The following AP2M1 variants were observed in gnomAD, a reference collection of about 807,000 sequenced individuals.
AP2M1 encodes adaptor related protein complex 2 subunit mu 1.
Under a neutral mutation model 54.5 loss-of-function variants are expected in AP2M1, and 5 were observed. The observed-to-expected ratio is 0.09, with a 90% CI of 0.05 to 0.19. The LOEUF is 0.19. Among genes scored for constraint, AP2M1 ranks in the 10% least tolerant of loss-of-function variants. AP2M1 has a pLI of 1.00. For synonymous variants in AP2M1, 186 were observed against 208.2 expected (o/e 0.89, Z 0.92); for missense variants, 178 against 580.2 (o/e 0.31, Z 7.12).
At chr3:184,176,575 G>A (rs1344368829) in intron 1 of AP2M1, among the ~76,000 whole-genome samples, 4 of 152,002 alleles carry the variant, frequency 2.6e-5, no homozygotes, top group Non-Finnish European at 5.9e-5. Context: ...TCCTGCAGCC[G>A]CAGGCAGGCA....
intron 2 of AP2M1, chr3:184,177,471 A>T: frequency 7.1e-7 from 1 of 1,417,618 alleles, no homozygotes; most frequent in Non-Finnish European, 9.6e-7. Flanking sequence ...CCCTTCCCAT[A>T]TCAAACGCCT....
At chr3:184,179,748 C>A (rs986857618) in intron 3 of AP2M1, among the ~76,000 whole-genome samples, 1 of 151,306 alleles carries the variant, frequency 6.6e-6, no homozygotes, top group African/African-American at 2.4e-5. Flanking sequence ...GAAGCCTCGA[C>A]CTCCTAGGCT....
chr3:184,177,774 A>G, intron 2 of AP2M1: 1 of 672,142 alleles, frequency 1.5e-6, no homozygotes, highest in Non-Finnish European at 2.5e-6. Flanking sequence ...GAAGGGACCT[A>G]TCCTAGCCTC....
rs773174636 is a variant in AP2M1 at position 184,182,056 on chromosome 3, A to G, written c.963+9A>G. On this transcript the variant is annotated intron_variant, in intron 9 of 11. Coordinates refer to ENST00000292807, the MANE Select transcript of AP2M1 (RefSeq NM_004068.4). This position sits in a 1 kb window ranked among gnomAD's most constrained non-coding sequence, Gnocchi z 5.5. ...TGGCTCAGAAGATCGAGGTGAGGAC[A>G]GGGGGCTCAAGGAGGAGGAAGAACT... is the stretch of plus-strand genomic sequence containing the variant. 2.5e-6 allele frequency: 4 copies of G among 1,612,624 alleles called. No individual in the cohort carries two copies. Among genetic ancestry groups the G allele is most frequent in the Non-Finnish European group, 3.4e-6 (4 of 1,179,024 alleles).
chr3:184,177,075 C>A lies in AP2M1; in HGVS notation c.74+8C>A. 1 of 1,612,622 alleles carries A rather than the reference C, an allele frequency of 6.2e-7. No individual in the cohort carries two copies. The highest frequency in any genetic ancestry group is 8.5e-7 in the Non-Finnish European group (1 of 1,179,456). ...CTACCGAGATGACATCGGGTGAGTC[C>A]CCTGGCGGAGCCAGCTGTGCCCCAC... On this transcript the variant is annotated splice_region_variant and intron_variant, in intron 2 of 11. Coordinates refer to ENST00000292807, the MANE Select transcript of AP2M1 (RefSeq NM_004068.4).
Position 184,180,730 on chromosome 3 carries a change from A to T in AP2M1, c.429+80A>T, listed in dbSNP as rs561821352. ...CTGCCCTTTGGGGCTTATAGGGGAA[A>T]ATGGATTACAGGTGGGGACTAGAAG... On this transcript the variant is annotated intron_variant, in intron 5 of 11. Transcript: ENST00000292807. This position sits in a 1 kb window ranked among gnomAD's most constrained non-coding sequence, Gnocchi z 4.9. 1 of 1,614,116 alleles carries T rather than the reference A, an allele frequency of 6.2e-7. No individual in the cohort carries two copies.
At chr3:184,179,768 C>T (rs1398580313) in intron 3 of AP2M1, among the ~76,000 whole-genome samples, 2 of 151,294 alleles carry the variant, frequency 1.3e-5, no homozygotes, top group Admixed American at 6.6e-5. Flanking sequence ...TCAAGCAATC[C>T]TCCAGCCTTA....
intron 2 of AP2M1, chr3:184,177,430 C>A: frequency 1.0e-6 from 1 of 985,220 alleles, no homozygotes; most frequent in South Asian, 1.5e-5. Context: ...ACGCTGGAGG[C>A]ACTAATCCAT....
chr3:184,175,766 C>T (rs1229983918), intron 1 of AP2M1, among the ~76,000 whole-genome samples: 1 of 152,140 alleles, frequency 6.6e-6, no homozygotes, highest in Non-Finnish European at 1.5e-5. Context: ...TCGCTACCTA[C>T]CACTCGATAC....
intron 1 of AP2M1, among the ~76,000 whole-genome samples, chr3:184,175,583 T>G (rs576173773): frequency 7.9e-5 from 12 of 152,322 alleles, no homozygotes; most frequent in African/African-American, 1.9e-4. Flanking sequence ...TTTTCCTTCT[T>G]AAAGCCTTGA....
In AP2M1 at chr3:184,177,440, T is replaced by C. The variant is rs1715110388; in HGVS notation, c.74+373T>C. 1.4e-5 allele frequency: 16 copies of C among 1,129,726 alleles called. No homozygotes were observed. In the South Asian group the frequency reaches 2.2e-4, roughly 16 times the overall value. The allele number at this position is 1,129,726 out of a possible 1,614,324, so 70.0% of individuals were successfully genotyped here. ...TGGCCACGCTGGAGGCACTAATCCA[T>C]CTAAGCCTTGCTCTCAGAAGCCCTT... On this transcript the variant is annotated intron_variant, in intron 2 of 11. Transcript: ENST00000292807.
intron 1 of AP2M1, 32 bp from the exon 2 acceptor site, chr3:184,176,919 G>T: frequency 6.7e-7 from 1 of 1,490,748 alleles, no homozygotes. Context: ...CGATTCTGAG[G>T]TCTTCTTTTA....
chr3:184,178,077 C>CT lies in AP2M1; in HGVS notation c.75-778dup. On this transcript the variant is annotated intron_variant, in intron 2 of 11. Transcript: ENST00000292807. The surrounding 1 kb of genome is among the most constrained non-coding windows in gnomAD (Gnocchi z 4.9). ...AAGCCAAGGCCAGGTCACACGCCGC[C>CT]TTGCCTGTCTTGTCTGCTTCTGCCT... The CT allele has an allele frequency of 9.1e-7, 1 of 1,104,694 alleles. No homozygotes were observed. The highest frequency in any genetic ancestry group is 1.3e-6 in the Non-Finnish European group (1 of 753,606). 68.4% of individuals were successfully genotyped at this position (1,104,694 alleles called of 1,614,324 possible).
rs760359324 is a variant in AP2M1, at chr3:184,178,675, A to G, written c.75-182A>G. ...CTAGCCCAGCTCAGGCACTCTTCCCATGCCTCCACAGGGAGTCATAAGAAG... is the reference window on the plus strand; with the variant it reads ...CTAGCCCAGCTCAGGCACTCTTCCCGTGCCTCCACAGGGAGTCATAAGAAG... On this transcript the variant is annotated intron_variant, in intron 2 of 11. Coordinates refer to ENST00000292807, the MANE Select transcript of AP2M1 (RefSeq NM_004068.4). The surrounding 1 kb of genome is among the most constrained non-coding windows in gnomAD (Gnocchi z 4.9). 6.6e-6 allele frequency among the ~76,000 whole-genome samples: 1 copy of G among 152,216 alleles called. No individual in the cohort carries two copies. The highest frequency in any genetic ancestry group is 6.5e-5 in the Admixed American group (1 of 15,294).
In AP2M1 at chr3:184,177,077, C is replaced by A; in HGVS notation, c.74+10C>A. 1 of 1,612,380 alleles carries A rather than the reference C, an allele frequency of 6.2e-7. No homozygotes were observed. The highest frequency in any genetic ancestry group is 1.1e-5 in the South Asian group (1 of 90,800). On this transcript the variant is annotated intron_variant, in intron 2 of 11. Transcript: ENST00000292807. ...ACCGAGATGACATCGGGTGAGTCCC[C>A]TGGCGGAGCCAGCTGTGCCCCACCA...
chr3:184,179,542 G>A (rs572408039), intron 3 of AP2M1, among the ~76,000 whole-genome samples: 1 of 152,242 alleles, frequency 6.6e-6, no homozygotes, highest in South Asian at 2.1e-4. Flanking sequence ...CCTCTGTAGA[G>A]TGTGATCTAA....
chr3:184,175,365 AC>A (rs1715033813), intron 1 of AP2M1, among the ~76,000 whole-genome samples: 6 of 150,862 alleles, frequency 4.0e-5, no homozygotes, highest in Admixed American at 4.0e-4. Context: ...GCCATGCGGC[AC>A]CCCCTCCTCT....
In AP2M1 at chr3:184,180,161, T is replaced by G. The variant is rs375602236; in HGVS notation, c.341-8T>G. ...GTCCAGGGGCTGATGGTTCCCTTCT[T>G]TTTGCAGAGATTCTAGACTTTGGCT... On this transcript the variant is annotated splice_polypyrimidine_tract_variant and splice_region_variant and intron_variant, in intron 3 of 11. Coordinates refer to ENST00000292807, the MANE Select transcript of AP2M1 (RefSeq NM_004068.4). This position sits in a 1 kb window ranked among gnomAD's most constrained non-coding sequence, Gnocchi z 4.9. The G allele has an allele frequency of 4.6e-5, 75 of 1,613,978 alleles. No homozygotes were observed. Among genetic ancestry groups the G allele is most frequent in the Non-Finnish European group, 6.4e-5 (75 of 1,180,010 alleles).
Position 184,177,476 on chromosome 3 carries a change from AC to A in AP2M1, c.74+410del. 3 of 1,437,730 alleles carry A rather than the reference AC, an allele frequency of 2.1e-6. No individual in the cohort carries two copies. The East Asian group carries it at 7.5e-5, about 36-fold the overall frequency. 89.1% of individuals were successfully genotyped at this position (1,437,730 alleles called of 1,614,324 possible). Reference sequence around the variant, plus strand: ...CTCTCAGAAGCCCTTCCCATATCAAACGCCTTCACTGGATTCTGTTGAAAGC... The same window carrying A: ...CTCTCAGAAGCCCTTCCCATATCAAAGCCTTCACTGGATTCTGTTGAAAGC... On this transcript the variant is annotated intron_variant, in intron 2 of 11. Transcript: ENST00000292807.
Sources: gnomAD v4.1 joint callset for allele counts (sites outside exome capture counted in the v4.1 genomes callset) on GRCh38, gnomAD v4.1.1 for gene constraint, Gnocchi (gnomAD v3.1) non-coding constraint, MANE v1.5 for transcripts, NCBI Gene and HGNC (gene_info 2026-07-23, HGNC 2026-07-21) for gene names.